CPLANE1: variants seen among roughly 807,000 people sequenced by gnomAD.
CPLANE1 encodes ciliogenesis and planar polarity effector complex subunit 1.
Under a neutral mutation model 362.5 loss-of-function variants are expected in CPLANE1, and 263 were observed. The observed-to-expected ratio is 0.73, with a 90% CI of 0.66 to 0.80. CPLANE1 has a LOEUF of 0.80. Ranked by LOEUF, CPLANE1 falls within the 30% of genes least tolerant of loss-of-function variation. The probability of loss-of-function intolerance (pLI) is 0.00; values close to 1 mark genes in which losing one functional copy is unlikely to be tolerated. For synonymous variants in CPLANE1, 1,212 were observed against 1,302.6 expected (o/e 0.93, Z 1.50); for missense variants, 3,461 against 3,793.4 (o/e 0.91, Z 2.30).
chr5:37,104,887 C>A (rs746091413), downstream of CPLANE1, among the ~76,000 whole-genome samples: 2 of 152,196 alleles, frequency 1.3e-5, no homozygotes, highest in Non-Finnish European at 2.9e-5. Context: ...TGTGCCATTG[C>A]ACTCCAGCCT....
chr5:37,151,149 T>C (rs1284640463), intron 42 of CPLANE1, among the ~76,000 whole-genome samples: 1 of 152,216 alleles, frequency 6.6e-6, no homozygotes, highest in African/African-American at 2.4e-5. Flanking sequence ...CCAGATGTCT[T>C]AAAGTCCAAT....
the CPLANE1 span, among the ~76,000 whole-genome samples, chr5:37,090,241 A>G: frequency 6.6e-6 from 1 of 152,162 alleles, no homozygotes; most frequent in African/African-American, 2.4e-5. Context: ...ATTCAATCCA[A>G]TTGTTTTATC....
At position 37,226,916 on chromosome 5, in the gene CPLANE1, T is replaced by C; in HGVS notation, c.1679A>G (p.Glu560Gly). The change falls in exon 12 of 53, where the codon GAG (glutamate) becomes GGG (glycine). Residue 560 changes from glutamate to glycine, a missense_variant. By Grantham distance (98) the Glu-to-Gly change is moderately conservative (BLOSUM62 -2). This residue lies in a region of CPLANE1 where 3,380 missense variants were observed against 3,666.1 expected (regional missense o/e 0.92). Transcript: ENST00000651892. ...FDTIHAKDDS[E>G]ETDRTITELH... is the part of the protein sequence containing the mutation. Reference sequence around the variant, plus strand: ...TTCTGTAATGGTTCTATCTGTCTCCTCACTATCATCCTTTGCATGTATCGT... The same window carrying C: ...TTCTGTAATGGTTCTATCTGTCTCCCCACTATCATCCTTTGCATGTATCGT... 6.4e-7 allele frequency: 1 copy of C among 1,551,900 alleles called. No individual in the cohort carries two copies. The highest frequency in any genetic ancestry group is 1.4e-5 in the African/African-American group (1 of 73,160).
intron 21 of CPLANE1, among the ~76,000 whole-genome samples, chr5:37,191,708 G>A (rs1341693819): frequency 2.0e-5 from 3 of 152,054 alleles, no homozygotes; most frequent in East Asian, 1.9e-4. Flanking sequence ...AGTGGCTTAC[G>A]CCTGTAGTCC....
At chr5:37,088,140 G>A in the CPLANE1 span, among the ~76,000 whole-genome samples, 2 of 152,172 alleles carry the variant, frequency 1.3e-5, no homozygotes, top group African/African-American at 4.8e-5. Flanking sequence ...GGGATCTTTC[G>A]TAAATGTTTG....
Position 37,208,442 on chromosome 5 carries a change from C to T in CPLANE1, c.2921-2017G>A, listed in dbSNP as rs575096981. The stretch of plus-strand genomic sequence containing the variant: ...CCTGTAATCCCAGCACTTTGGGAGG[C>T]CGAGGTGAGCGGATCAGGAGGTCAG... On this transcript the variant is annotated intron_variant, in intron 16 of 52. Transcript: ENST00000651892. Among the ~76,000 whole-genome samples, 37 of 152,302 alleles carry T rather than the reference C, an allele frequency of 2.4e-4. 1 individual carries two copies. In the South Asian group the frequency reaches 7.0e-3, roughly 29 times the overall value.
At chr5:37,179,962 T>C (rs1002714266) in intron 28 of CPLANE1, 55 bp downstream of exon 28, 2 of 1,215,946 alleles carry the variant, frequency 1.6e-6, no homozygotes, top group African/African-American at 3.2e-5. Flanking sequence ...GATAATATTA[T>C]TTACCAATTT....
Position 37,106,811 on chromosome 5 carries a change from T to C in CPLANE1, c.*791A>G, listed in dbSNP as rs1757716952. 1.0e-6 allele frequency: 1 copy of C among 963,050 alleles called. No individual in the cohort carries two copies. Among genetic ancestry groups the C allele is most frequent in the Non-Finnish European group, 1.2e-6 (1 of 809,782 alleles). 59.7% of individuals were successfully genotyped at this position (963,050 alleles called of 1,614,324 possible). ...GTGTGCTTTTATATTATACCAAACA[T>C]TGATGAAGTAGTTGAAGGATACTGG... On this transcript the variant is annotated 3_prime_UTR_variant, in exon 53 of 53. Transcript: ENST00000651892.
intron 32 of CPLANE1, among the ~76,000 whole-genome samples, chr5:37,172,815 A>G (rs113435708): frequency 0.014 from 2,099 of 152,166 alleles, 52 homozygotes; most frequent in African/African-American, 0.047. Flanking sequence ...GCGAAACTCC[A>G]TCTTTACTAA....
intron 8 of CPLANE1, among the ~76,000 whole-genome samples, chr5:37,234,685 A>G (rs1173713854): frequency 6.6e-6 from 1 of 152,152 alleles, no homozygotes; most frequent in Non-Finnish European, 1.5e-5. Flanking sequence ...ATTCAGATAC[A>G]GGAGGCCCAG....
the CPLANE1 span, among the ~76,000 whole-genome samples, chr5:37,088,883 G>A: frequency 5.9e-5 from 9 of 152,158 alleles, no homozygotes; most frequent in Non-Finnish European, 7.4e-5. Context: ...TGTGCTCACC[G>A]TGGTAATTGA....
intron 9 of CPLANE1, among the ~76,000 whole-genome samples, chr5:37,229,732 CTT>C (rs1301419095): frequency 6.6e-6 from 1 of 152,118 alleles, no homozygotes; most frequent in Non-Finnish European, 1.5e-5. Context: ...TGAGCACTAA[CTT>C]TATGCCAGAC....
the CPLANE1 span, among the ~76,000 whole-genome samples, chr5:37,091,501 C>T: frequency 6.6e-6 from 1 of 152,150 alleles, no homozygotes; most frequent in Non-Finnish European, 1.5e-5. Flanking sequence ...CGTGCCCACT[C>T]CACCCTTAAA....
chr5:37,197,871 T>C (rs1303222479), intron 20 of CPLANE1, among the ~76,000 whole-genome samples: 3 of 152,144 alleles, frequency 2.0e-5, no homozygotes, highest in African/African-American at 4.8e-5. Context: ...AAGTAGTCAC[T>C]GTCCACTTCC....
chr5:37,169,983 G>A lies in CPLANE1; in HGVS notation c.6462+58C>T, dbSNP rs1216663661. 150 of 1,537,758 alleles carry A rather than the reference G, an allele frequency of 9.8e-5. 5 individuals carry two copies. In the South Asian group the frequency reaches 1.7e-3, roughly 17 times the overall value. On this transcript the variant is annotated intron_variant, in intron 33 of 52. Coordinates refer to ENST00000651892, the MANE Select transcript of CPLANE1 (RefSeq NM_001384732.1). Reference sequence around the variant, plus strand: ...CTCAGGTGTGGCCTGCCAAAGTGCTGGGATTACAGACATGAGCCACCGCGC... The same window carrying A: ...CTCAGGTGTGGCCTGCCAAAGTGCTAGGATTACAGACATGAGCCACCGCGC...
At chr5:37,094,468 C>CTA in the CPLANE1 span, among the ~76,000 whole-genome samples, 2 of 152,174 alleles carry the variant, frequency 1.3e-5, no homozygotes, top group East Asian at 3.9e-4. Context: ...CCCTAAAGGA[C>CTA]TACATCAGAT....
At chr5:37,158,077 G>A in intron 39 of CPLANE1, 147 bp downstream of exon 39, 1 of 965,506 alleles carries the variant, frequency 1.0e-6, no homozygotes, top group Admixed American at 2.9e-5. Flanking sequence ...TTGGCATAAT[G>A]CTTAAATTAA....
intron 15 of CPLANE1, among the ~76,000 whole-genome samples, chr5:37,218,880 G>T (rs992439988): frequency 4.6e-5 from 7 of 150,952 alleles, no homozygotes; most frequent in African/African-American, 1.7e-4. Flanking sequence ...ACTGGGAGGC[G>T]AAGGTTGCAG....
At chr5:37,134,913 C>T (rs1466347716) in intron 46 of CPLANE1, among the ~76,000 whole-genome samples, 1 of 151,866 alleles carries the variant, frequency 6.6e-6, no homozygotes, top group Admixed American at 6.6e-5. Context: ...CCTGCCTCAG[C>T]CTCCCGAGTA....
Sources: gnomAD v4.1 joint callset for allele counts (sites outside exome capture counted in the v4.1 genomes callset) on GRCh38, gnomAD v4.1.1 for gene constraint, gnomAD v4.1.1 regional missense constraint, MANE v1.5 for transcripts, NCBI Gene and HGNC (gene_info 2026-07-23, HGNC 2026-07-21) for gene names.